MRC2: variants seen among roughly 807,000 people sequenced by gnomAD.
The protein encoded by MRC2 is mannose receptor C-type 2, also known as C-type mannose receptor 2.
MRC2 carries 84 observed loss-of-function variants against 206.2 expected under a neutral mutation model. The observed-to-expected ratio is 0.41, with a 90% CI of 0.34 to 0.49. The LOEUF (loss-of-function observed/expected upper bound fraction) is 0.49, where lower values mean the gene tolerates loss of function less well. Ranked by LOEUF, MRC2 falls within the 20% of genes least tolerant of loss-of-function variation. The pLI is 0.31. For synonymous variants in MRC2, 798 were observed against 800.0 expected, an observed-to-expected ratio of 1.00 and a Z score of 0.04; for missense variants, 1,676 against 2,001.5, an observed-to-expected ratio of 0.84 and a Z score of 3.10.
At chr17:62,691,527 T>C (rs886422478) in intron 28 of MRC2, among the ~76,000 whole-genome samples, 6 of 151,998 alleles carry the variant, frequency 3.9e-5, no homozygotes, top group African/African-American at 1.4e-4. Flanking sequence ...CCCAGCACTT[T>C]GGGAGGCTGA....
intron 1 of MRC2, among the ~76,000 whole-genome samples, chr17:62,640,413 A>G (rs774998030): frequency 5.9e-5 from 9 of 152,186 alleles, no homozygotes; most frequent in Non-Finnish European, 1.2e-4. Flanking sequence ...CAGGCTAGGC[A>G]TGATTCCTGC....
chr17:62,674,246 A>T lies in MRC2; in HGVS notation c.1569+76A>T. The T allele has an allele frequency of 7.6e-6, 8 of 1,046,972 alleles. No homozygotes were observed. In the Admixed American group the frequency reaches 8.9e-5, roughly 12 times the overall value. 64.9% of individuals were successfully genotyped at this position (1,046,972 alleles called of 1,614,324 possible). On this transcript the variant is annotated intron_variant, in intron 9 of 29. Coordinates refer to ENST00000303375, the MANE Select transcript of MRC2 (RefSeq NM_006039.5). ...TACCAGGGGAGGGAGAGGTGGATGA[A>T]CTCCTGCTGCCTCGCATGGCATCGC...
chr17:62,651,529 G>C (rs2088555952), intron 1 of MRC2, among the ~76,000 whole-genome samples: 1 of 152,156 alleles, frequency 6.6e-6, no homozygotes, highest in African/African-American at 2.4e-5. Flanking sequence ...TTTTTGTCAA[G>C]TGTTACTTGA....
At chr17:62,648,959 C>T (rs1307030759) in intron 1 of MRC2, among the ~76,000 whole-genome samples, 1 of 152,234 alleles carries the variant, frequency 6.6e-6, no homozygotes, top group African/African-American at 2.4e-5. Context: ...TTCCATTACT[C>T]TGTGCTCCCC....
chr17:62,638,628 C>T (rs1227887030), intron 1 of MRC2, among the ~76,000 whole-genome samples: 2 of 150,524 alleles, frequency 1.3e-5, no homozygotes, highest in African/African-American at 2.5e-5. Context: ...ATCCCAGCTG[C>T]TTAGGAGAGT....
chr17:62,638,226 AT>A (rs551826283), intron 1 of MRC2, among the ~76,000 whole-genome samples: 6 of 150,690 alleles, frequency 4.0e-5, no homozygotes, highest in South Asian at 2.1e-4. Flanking sequence ...GTTCCAAAGA[AT>A]TTTTTTTTTA....
In MRC2 at chr17:62,635,936, C is replaced by T. The variant is rs1025412831; in HGVS notation, c.118+8016C>T. 1.4e-3 allele frequency among the ~76,000 whole-genome samples: 211 copies of T among 151,960 alleles called. 1 individual carries two copies. The highest frequency in any genetic ancestry group is 4.6e-3 in the African/African-American group (192 of 41,440). ...CCGAGTAGCTGGGACTACAGGCGCC[C>T]GCCACCACGCCCGGCTAATTTTTTG... On this transcript the variant is annotated intron_variant, in intron 1 of 29. Coordinates refer to ENST00000303375, the MANE Select transcript of MRC2 (RefSeq NM_006039.5).
At chr17:62,641,030 A>C (rs1283143577) in intron 1 of MRC2, among the ~76,000 whole-genome samples, 1 of 151,462 alleles carries the variant, frequency 6.6e-6, no homozygotes, top group Non-Finnish European at 1.5e-5. Context: ...TTTTAAATAG[A>C]AACAAGGTCT....
rs779776669 is a variant in MRC2, at chr17:62,676,530, C to T, written c.1833C>T (p.Pro611=). Reference sequence around the variant, plus strand: ...ACACCCACTGGAACCGGGACCAGCCCGGTGAGCCCCTTATTTGACTTGCCT... The same window carrying T: ...ACACCCACTGGAACCGGGACCAGCCTGGTGAGCCCCTTATTTGACTTGCCT... ...VMYTHWNRDQ[P]GYSRGGCVAL... is the part of the protein sequence containing the mutation. The change falls in exon 11 of 30, where the codon CCC becomes CCT. Residue 611 remains proline, a splice_region_variant and synonymous_variant. Coordinates refer to ENST00000303375, the MANE Select transcript of MRC2 (RefSeq NM_006039.5). 1.5e-5 allele frequency: 23 copies of T among 1,583,108 alleles called. No homozygotes were observed. Among genetic ancestry groups the T allele is most frequent in the South Asian group, 1.2e-4 (10 of 85,352 alleles).
chr17:62,690,333 TGGC>T (rs774435454), intron 26 of MRC2, 28 bp downstream of exon 26: 54 of 1,583,520 alleles, frequency 3.4e-5, no homozygotes, highest in African/African-American at 3.4e-4. Context: ...AGCCCACACA[TGGC>T]GGGCAGGTGG....
Position 62,664,599 on chromosome 17 carries a change from C to T in MRC2, c.170C>T (p.Ala57Val). ...FSHGLQGCLE[A>V]QGGQVRVTPA... Reference sequence around the variant, plus strand: ...CATGGACTGCAGGGCTGCCTGGAGGCCCAGGGCGGGCAGGTCAGAGTCACC... The same window carrying T: ...CATGGACTGCAGGGCTGCCTGGAGGTCCAGGGCGGGCAGGTCAGAGTCACC... The change falls in exon 2 of 30, where the codon GCC (alanine) becomes GTC (valine). Residue 57 changes from alanine (A) to valine (V), a missense_variant. Ala to Val is a moderately conservative substitution (Grantham distance 64). Coordinates refer to ENST00000303375, the MANE Select transcript of MRC2 (RefSeq NM_006039.5). This position sits in a 1 kb window ranked among gnomAD's most constrained non-coding sequence, Gnocchi z 4.7. 1 of 1,613,490 alleles carries T rather than the reference C, an allele frequency of 6.2e-7. No homozygotes were observed. The highest frequency in any genetic ancestry group is 1.1e-5 in the South Asian group (1 of 91,052).
rs1479087307 is a variant in MRC2 at position 62,664,485 on chromosome 17, C to G, written c.119-63C>G. 6.5e-7 allele frequency: 1 copy of G among 1,531,406 alleles called. No homozygotes were observed. Among genetic ancestry groups the G allele is most frequent in the Middle Eastern group, 1.7e-4 (1 of 5,722 alleles). 94.9% of individuals were successfully genotyped at this position (1,531,406 alleles called of 1,614,324 possible). On this transcript the variant is annotated intron_variant, in intron 1 of 29. Transcript: ENST00000303375. This position sits in a 1 kb window ranked among gnomAD's most constrained non-coding sequence, Gnocchi z 4.7. The stretch of plus-strand genomic sequence containing the variant: ...CATGGTAGGTGCCTGTCAGCCACAC[C>G]GGTCATCAAGGGCCAACCAGGAGAG...
intron 20 of MRC2, chr17:62,683,771 G>A (rs1171016154): frequency 1.3e-5 from 2 of 151,666 alleles, no homozygotes; most frequent in African/African-American, 4.8e-5. Flanking sequence ...GGTGGGAAGT[G>A]GGAGGATCTC....
At chr17:62,673,911 C>T (rs9896444) in intron 8 of MRC2, 152 bp from the exon 9 acceptor site, 60,472 of 642,518 alleles carry the variant, frequency 0.094, 3,707 homozygotes, top group South Asian at 0.19. Context: ...GGGTTCATCC[C>T]GCCTTCCCCA....
rs1249261427 is a variant in MRC2, at chr17:62,688,978, C to T, written c.3334+18C>T. The stretch of plus-strand genomic sequence containing the variant: ...GGGCACGGGTATGTGTCACCAGTCA[C>T]CTGGGAAACCCCAGTGGGGCCCTGG... On this transcript the variant is annotated intron_variant, in intron 23 of 29. Coordinates refer to ENST00000303375, the MANE Select transcript of MRC2 (RefSeq NM_006039.5). 6.2e-7 allele frequency: 1 copy of T among 1,601,974 alleles called. No homozygotes were observed. The highest frequency in any genetic ancestry group is 2.2e-5 in the East Asian group (1 of 44,742).
intron 1 of MRC2, among the ~76,000 whole-genome samples, chr17:62,662,026 T>G (rs1165701575): frequency 2.0e-5 from 3 of 152,044 alleles, no homozygotes; most frequent in African/African-American, 7.2e-5. Context: ...GGAGGGCAGA[T>G]TCCCTGAGCT....
intron 6 of MRC2, among the ~76,000 whole-genome samples, chr17:62,668,773 A>G (rs1241871231): frequency 6.6e-6 from 1 of 152,148 alleles, no homozygotes; most frequent in Non-Finnish European, 1.5e-5. Context: ...TTGTGATCAT[A>G]GAGACAGCTT....
intron 20 of MRC2, among the ~76,000 whole-genome samples, chr17:62,686,555 C>G (rs2089035138): frequency 6.6e-6 from 1 of 152,192 alleles, no homozygotes; most frequent in Admixed American, 6.5e-5. Context: ...CGCCCCGCTG[C>G]TCACCTCCTA....
At chr17:62,678,786 C>A in intron 13 of MRC2, 140 bp downstream of exon 13, 2 of 1,239,746 alleles carry the variant, frequency 1.6e-6, no homozygotes, top group Non-Finnish European at 2.2e-6. Flanking sequence ...GCATCTGCTG[C>A]TGGTGCCAGG....
Sources: gnomAD v4.1 joint callset for allele counts (sites outside exome capture counted in the v4.1 genomes callset) on GRCh38, gnomAD v4.1.1 for gene constraint, Gnocchi (gnomAD v3.1) non-coding constraint, MANE v1.5 for transcripts, NCBI Gene and HGNC (gene_info 2026-07-23, HGNC 2026-07-21) for gene names.